Variants in CNTNAP4 observed in about 807,000 individuals in gnomAD.
CNTNAP4 encodes the protein contactin-associated protein-like 4.
In CNTNAP4, 98 loss-of-function variants were observed where a neutral mutation model predicts 148.4. That is an observed-to-expected ratio of 0.66 (90% CI 0.56 to 0.78). CNTNAP4 has a LOEUF of 0.78. Ranked by LOEUF, CNTNAP4 falls within the 30% of genes least tolerant of loss-of-function variation. CNTNAP4 has a pLI of 0.00. For synonymous variants in CNTNAP4, 730 were observed against 565.1 expected, an observed-to-expected ratio of 1.29 and a Z score of -4.14; for missense variants, 1,935 against 1,565.6, an observed-to-expected ratio of 1.24 and a Z score of -3.98.
intron 6 of CNTNAP4, 27 bp downstream of exon 6, chr16:76,448,978 C>T: frequency 1.3e-6 from 2 of 1,592,350 alleles, no homozygotes; most frequent in East Asian, 2.2e-5. Context: ...TCAATTAATG[C>T]TGATTTTATT....
intron 15 of CNTNAP4, among the ~76,000 whole-genome samples, chr16:76,511,518 A>G (rs2083024659): frequency 6.6e-6 from 1 of 152,222 alleles, no homozygotes; most frequent in Non-Finnish European, 1.5e-5. Flanking sequence ...CAGACTACAT[A>G]TAAACCGTTA....
In CNTNAP4 at chr16:76,535,725, C is replaced by T. The variant is rs1219777732; in HGVS notation, c.2936C>T (p.Pro979Leu). ...AATGGAGGGAAATGCAGAGAAAGAC[C>T]CATTGGGTTCTTTTGTGACTGCACT... ...CRNGGKCRER[P>L]IGFFCDCTFS... is the part of the protein sequence containing the mutation. The change falls in exon 18 of 24, where the codon CCC (proline) becomes CTC (leucine). Residue 979 changes from proline to leucine, a missense_variant. Coordinates refer to ENST00000611870, the MANE Select transcript of CNTNAP4 (RefSeq NM_033401.5). The T allele has an allele frequency of 9.3e-6, 15 of 1,613,764 alleles. No homozygotes were observed. Among genetic ancestry groups the T allele is most frequent in the Non-Finnish European group, 1.2e-5 (14 of 1,179,868 alleles).
At chr16:76,386,984 C>G (rs966961914) in intron 3 of CNTNAP4, among the ~76,000 whole-genome samples, 3 of 152,060 alleles carry the variant, frequency 2.0e-5, no homozygotes, top group Non-Finnish European at 4.4e-5. Flanking sequence ...GAGCCATAAG[C>G]CAAGGAATTT....
At chr16:76,292,138 G>A (rs1025598542) in intron 1 of CNTNAP4, among the ~76,000 whole-genome samples, 11 of 152,094 alleles carry the variant, frequency 7.2e-5, no homozygotes, top group South Asian at 2.1e-4. Flanking sequence ...CTAATATAAC[G>A]GTATCTTAAC....
At position 76,521,183 on chromosome 16, in the gene CNTNAP4, T is replaced by A; in HGVS notation, c.2409T>A (p.Tyr803Ter). ...CTTCCTTTGATACCGAGGCTTCATATCTTCATTTTCCTACCTTCCACGGAG... is the reference window on the plus strand; with the variant it reads ...CTTCCTTTGATACCGAGGCTTCATAACTTCATTTTCCTACCTTCCACGGAG... ...NSASFDTEASYLHFPTFHGEL... is the reference protein window; with the variant it reads ...NSASFDTEAS Residue 803 changes from tyrosine to a stop codon, truncating the protein, a stop_gained, in exon 16 of 24, where the codon TAT (tyrosine) becomes TAA (stop). Coordinates refer to ENST00000611870, the MANE Select transcript of CNTNAP4 (RefSeq NM_033401.5). LOFTEE classifies it high-confidence loss of function. 1 of 1,610,454 alleles carries A rather than the reference T, an allele frequency of 6.2e-7. No individual in the cohort carries two copies. The highest frequency in any genetic ancestry group is 1.7e-5 in the Admixed American group (1 of 59,440).
intron 13 of CNTNAP4, among the ~76,000 whole-genome samples, chr16:76,493,560 G>A (rs947144833): frequency 6.6e-6 from 1 of 151,996 alleles, no homozygotes; most frequent in African/African-American, 2.4e-5. Flanking sequence ...ATTTTATAGG[G>A]AAGACATGAA....
chr16:76,336,575 A>T (rs940988815), intron 2 of CNTNAP4, among the ~76,000 whole-genome samples: 2 of 152,256 alleles, frequency 1.3e-5, no homozygotes, highest in African/African-American at 4.8e-5. Context: ...GATGTAAAAG[A>T]CCTGAACCAG....
At chr16:76,316,782 A>T (rs964905295) in intron 2 of CNTNAP4, among the ~76,000 whole-genome samples, 4 of 152,286 alleles carry the variant, frequency 2.6e-5, no homozygotes, top group African/African-American at 9.6e-5. Flanking sequence ...TTCTACAATA[A>T]TATACAATCC....
chr16:76,311,178 A>T (rs1961064077), intron 1 of CNTNAP4, among the ~76,000 whole-genome samples: 1 of 152,180 alleles, frequency 6.6e-6, no homozygotes, highest in South Asian at 2.1e-4. Context: ...TTATTTGCTT[A>T]TGAGAATTAT....
chr16:76,331,238 A>C (rs1460677909), intron 2 of CNTNAP4, among the ~76,000 whole-genome samples: 1 of 150,416 alleles, frequency 6.6e-6, no homozygotes, highest in Non-Finnish European at 1.5e-5. Flanking sequence ...CCCAGGCTGG[A>C]GTGCAGTGGC....
intron 3 of CNTNAP4, among the ~76,000 whole-genome samples, chr16:76,408,663 G>A (rs62051216): frequency 0.36 from 54,195 of 151,862 alleles, 11,117 homozygotes; most frequent in Non-Finnish European, 0.44. Flanking sequence ...ATCTAAAGAA[G>A]TGAACAATAA....
At chr16:76,371,750 A>G (rs1181637754) in intron 3 of CNTNAP4, among the ~76,000 whole-genome samples, 3 of 152,334 alleles carry the variant, frequency 2.0e-5, no homozygotes, top group South Asian at 2.1e-4. Flanking sequence ...CACAGCTCCA[A>G]GCTCAGGTGT....
rs370296208 is a variant in CNTNAP4 at position 76,316,510 on chromosome 16, G to A, written c.183G>A (p.Leu61=). ...GTCATGGTCCTGGATTTGCAAGGCT[G>A]AATAGAAGAGATGGTAAGTCTGCTT... ...SSSHGPGFAR[L]NRRDGAGGWS... is the part of the protein sequence containing the mutation. Residue 61 remains leucine (L), a synonymous_variant, in exon 2 of 24, where the codon CTG becomes CTA. Transcript: ENST00000611870. The A allele has an allele frequency of 4.7e-5, 76 of 1,611,206 alleles. No homozygotes were observed. Among genetic ancestry groups the A allele is most frequent in the Non-Finnish European group, 5.8e-5 (68 of 1,177,560 alleles).
rs550532605 is a variant in CNTNAP4 at position 76,427,307 on chromosome 16, A to G, written c.391-145A>G. The G allele has an allele frequency of 7.5e-4, 439 of 582,470 alleles. 1 individual carries two copies. The highest frequency in any genetic ancestry group is 6.9e-4 in the Non-Finnish European group (246 of 357,238). 36.1% of individuals were successfully genotyped at this position (582,470 alleles called of 1,614,324 possible). A position where few individuals can be genotyped will look rare whatever the true frequency, so the allele number is the denominator to read the frequency against. ...TCTCTGGATGCAGAGACATCATGACATAACTGTTAATGTGATTTTCTTATA... is the reference window on the plus strand; with the variant it reads ...TCTCTGGATGCAGAGACATCATGACGTAACTGTTAATGTGATTTTCTTATA... On this transcript the variant is annotated intron_variant, in intron 3 of 23. Transcript: ENST00000611870.
intron 3 of CNTNAP4, among the ~76,000 whole-genome samples, chr16:76,372,678 A>T (rs1051315029): frequency 7.0e-6 from 1 of 143,068 alleles, no homozygotes; most frequent in Non-Finnish European, 1.5e-5. Context: ...CATGATTGTG[A>T]GGCCTCCCCA....
intron 15 of CNTNAP4, among the ~76,000 whole-genome samples, chr16:76,501,745 T>C (rs1265848251): frequency 1.3e-5 from 2 of 151,982 alleles, no homozygotes; most frequent in African/African-American, 2.4e-5. Flanking sequence ...ACTGTGACCA[T>C]GGGAATACAG....
chr16:76,409,878 C>T (rs1269794924), intron 3 of CNTNAP4, among the ~76,000 whole-genome samples: 3 of 151,872 alleles, frequency 2.0e-5, no homozygotes, highest in African/African-American at 7.2e-5. Flanking sequence ...TCTGTGAAGA[C>T]TTAATCACTA....
intron 2 of CNTNAP4, among the ~76,000 whole-genome samples, chr16:76,340,325 T>C (rs1964365188): frequency 6.6e-6 from 1 of 152,168 alleles, no homozygotes. Flanking sequence ...TTCATTCTCA[T>C]CACCCAAGGA....
intron 2 of CNTNAP4, among the ~76,000 whole-genome samples, chr16:76,330,428 C>T (rs1406185582): frequency 6.6e-6 from 1 of 152,142 alleles, no homozygotes; most frequent in African/African-American, 2.4e-5. Context: ...AAATTTAAAG[C>T]ATCATTGTGG....
Sources: allele counts gnomAD v4.1 joint callset (sites outside exome capture counted in the v4.1 genomes callset), GRCh38; gene constraint gnomAD v4.1.1; transcripts MANE v1.5; gene names NCBI Gene and HGNC (gene_info 2026-07-23, HGNC 2026-07-21).